The following CNTN5 variants were observed in gnomAD, a reference collection of about 807,000 sequenced individuals.
CNTN5 encodes the protein contactin-5.
In CNTN5, 77 loss-of-function variants were observed where a neutral mutation model predicts 129.1. The ratio of observed to expected loss-of-function variants is 0.60; its 90% CI spans 0.50 to 0.72. The LOEUF (loss-of-function observed/expected upper bound fraction) is 0.72. Among genes scored for constraint, CNTN5 ranks in the 30% least tolerant of loss-of-function variants. The pLI is 0.00. For missense variants in CNTN5, 1,478 were observed against 1,328.8 expected (o/e 1.11, Z -1.75); for synonymous variants, 509 against 465.6 (o/e 1.09, Z -1.20).
chr11:99,656,454 G>A (rs553997874), intron 3 of CNTN5, among the ~76,000 whole-genome samples: 26 of 152,226 alleles, frequency 1.7e-4, no homozygotes, highest in Non-Finnish European at 2.4e-4. Context: ...AGCGCCAGGC[G>A]TAAGAGGAAA....
At position 99,892,310 on chromosome 11, in the gene CNTN5, T is replaced by C. The variant is rs190212315; in HGVS notation, c.578-23744T>C. Among the ~76,000 whole-genome samples the C allele has an allele frequency of 3.8e-3, 583 of 152,328 alleles. 6 individuals carry two copies. The highest frequency in any genetic ancestry group is 0.013 in the African/African-American group (547 of 41,582). On this transcript the variant is annotated intron_variant, in intron 6 of 24. Coordinates refer to ENST00000524871, the MANE Select transcript of CNTN5 (RefSeq NM_014361.4). ...ACTCTAATGACAGTTTCTTTTGCTC[T>C]GCAGAAGCTCTTTAGTTTAATTAGA...
intron 2 of CNTN5, among the ~76,000 whole-genome samples, chr11:99,362,553 A>G (rs1213430394): frequency 6.6e-6 from 1 of 151,962 alleles, no homozygotes; most frequent in Non-Finnish European, 1.5e-5. Flanking sequence ...AATAATTGAC[A>G]AACCCAAGGT....
At chr11:99,507,628 T>C (rs1946677396) in intron 2 of CNTN5, among the ~76,000 whole-genome samples, 1 of 152,168 alleles carries the variant, frequency 6.6e-6, no homozygotes. Context: ...ATTAATATTT[T>C]ATACATAACA....
chr11:99,912,390 C>T (rs889804858), intron 6 of CNTN5, among the ~76,000 whole-genome samples: 2 of 151,904 alleles, frequency 1.3e-5, no homozygotes, highest in African/African-American at 4.8e-5. Flanking sequence ...GACCCAGACT[C>T]CTGTGAGCTA....
At chr11:99,912,774 A>G (rs1048479620) in intron 6 of CNTN5, among the ~76,000 whole-genome samples, 1 of 151,942 alleles carries the variant, frequency 6.6e-6, no homozygotes, top group East Asian at 1.9e-4. Flanking sequence ...AGGTCAGAGC[A>G]AAGACAAAGT....
At position 100,328,761 on chromosome 11, in the gene CNTN5, CAAAAAAGAA is replaced by C. The variant is rs955485753; in HGVS notation, c.2731-11689_2731-11681del. 4.7e-4 allele frequency among the ~76,000 whole-genome samples: 71 copies of C among 151,306 alleles called. 1 individual carries two copies. The highest frequency in any genetic ancestry group is 1.6e-3 in the African/African-American group (68 of 41,250). ...TAAATCCAAACCATATCAGACCTTG[CAAAAAAGAA>C]AAAAAAGAAAAAGAAAAACCTGAAG... On this transcript the variant is annotated intron_variant, in intron 21 of 24. Coordinates refer to ENST00000524871, the MANE Select transcript of CNTN5 (RefSeq NM_014361.4).
At chr11:99,503,765 AT>A (rs1179566999) in intron 2 of CNTN5, among the ~76,000 whole-genome samples, 9 of 149,898 alleles carry the variant, frequency 6.0e-5, no homozygotes, top group African/African-American at 1.0e-4. Flanking sequence ...ATATAATGGA[AT>A]TTTTTTTGTA....
intron 6 of CNTN5, among the ~76,000 whole-genome samples, chr11:99,902,212 T>A (rs1461490276): frequency 2.0e-5 from 3 of 151,604 alleles, no homozygotes; most frequent in African/African-American, 7.3e-5. Flanking sequence ...GATCTACTCC[T>A]CTGTTTTTGT....
chr11:100,203,799 T>TACACAC (rs59141425), intron 15 of CNTN5, among the ~76,000 whole-genome samples: 4,024 of 139,052 alleles, frequency 0.029, 146 homozygotes, highest in African/African-American at 0.075. Context: ...AATGTGCACG[T>TACACAC]ACACACACAC....
intron 6 of CNTN5, among the ~76,000 whole-genome samples, chr11:99,883,400 T>G (rs921703577): frequency 2.6e-5 from 4 of 152,332 alleles, no homozygotes; most frequent in Non-Finnish European, 1.5e-5. Flanking sequence ...CTTTTGGATA[T>G]AAGCCGTTTT....
At chr11:99,128,102 C>T (rs913106911) in intron 1 of CNTN5, among the ~76,000 whole-genome samples, 2 of 152,180 alleles carry the variant, frequency 1.3e-5, no homozygotes, top group Non-Finnish European at 2.9e-5. Flanking sequence ...TGTCCACTGT[C>T]ATGGAAAAGG....
intron 6 of CNTN5, among the ~76,000 whole-genome samples, chr11:99,876,078 A>G (rs1953361861): frequency 6.6e-6 from 1 of 152,126 alleles, no homozygotes; most frequent in African/African-American, 2.4e-5. Context: ...AAGGCATCAA[A>G]TAAGCTTTCT....
chr11:99,993,389 A>G (rs1296593890), intron 8 of CNTN5, among the ~76,000 whole-genome samples: 2 of 152,184 alleles, frequency 1.3e-5, no homozygotes, highest in Admixed American at 6.5e-5. Context: ...TTCTAAAAGA[A>G]GAAGGGTAAA....
At chr11:100,161,626 C>T (rs1947448942) in intron 13 of CNTN5, among the ~76,000 whole-genome samples, 1 of 151,688 alleles carries the variant, frequency 6.6e-6, no homozygotes, top group African/African-American at 2.4e-5. Flanking sequence ...GATTTGAGTC[C>T]TCTCCTTGCT....
intron 2 of CNTN5, among the ~76,000 whole-genome samples, chr11:99,494,431 T>C (rs929142456): frequency 2.6e-5 from 4 of 152,218 alleles, no homozygotes; most frequent in South Asian, 2.1e-4. Flanking sequence ...ATACCTTTTA[T>C]CCTTATTGGG....
At chr11:99,768,925 G>T (rs1219484643) in intron 3 of CNTN5, among the ~76,000 whole-genome samples, 2 of 152,066 alleles carry the variant, frequency 1.3e-5, no homozygotes, top group Non-Finnish European at 2.9e-5. Context: ...ATCCTTGCCT[G>T]AGTCAATTAT....
intron 1 of CNTN5, among the ~76,000 whole-genome samples, chr11:99,222,658 C>A (rs1463164093): frequency 6.6e-6 from 1 of 152,178 alleles, no homozygotes; most frequent in Non-Finnish European, 1.5e-5. Context: ...AGTACTCAGA[C>A]AATTTGTATT....
intron 3 of CNTN5, among the ~76,000 whole-genome samples, chr11:99,778,186 A>G (rs1224430879): frequency 6.6e-6 from 1 of 151,718 alleles, no homozygotes; most frequent in Non-Finnish European, 1.5e-5. Flanking sequence ...AAAGGCAAAA[A>G]CTTTGTGATG....
At chr11:99,582,832 T>C (rs1949657000) in intron 3 of CNTN5, among the ~76,000 whole-genome samples, 1 of 152,256 alleles carries the variant, frequency 6.6e-6, no homozygotes. Flanking sequence ...CTCGTCAAAG[T>C]CATTCCCTGT....
Sources: gnomAD v4.1 joint callset for allele counts (sites outside exome capture counted in the v4.1 genomes callset) on GRCh38, gnomAD v4.1.1 for gene constraint, MANE v1.5 for transcripts, NCBI Gene and HGNC (gene_info 2026-07-23, HGNC 2026-07-21) for gene names.